CTNNA2: variants seen among roughly 807,000 people sequenced by gnomAD.
The protein encoded by CTNNA2 is catenin alpha-2.
A neutral mutation model predicts 101.0 loss-of-function variants in CTNNA2; 42 were observed. That is an observed-to-expected ratio of 0.42 (90% CI 0.32 to 0.54). CTNNA2 has a LOEUF of 0.54. CTNNA2 is among the 20% of genes least tolerant of loss of function. CTNNA2 has a pLI of 0.14. For missense variants in CTNNA2, 871 were observed against 1,223.1 expected, an observed-to-expected ratio of 0.71 and a Z score of 4.29; for synonymous variants, 450 against 456.4, an observed-to-expected ratio of 0.99 and a Z score of 0.18.
intron 7 of CTNNA2, among the ~76,000 whole-genome samples, chr2:80,390,665 A>G (rs1677426739): frequency 6.6e-6 from 1 of 152,210 alleles, no homozygotes; most frequent in Admixed American, 6.5e-5. Context: ...AAGAATAAAT[A>G]TATCCGCACT....
intron 2 of CTNNA2, among the ~76,000 whole-genome samples, chr2:79,216,371 C>T (rs1674259582): frequency 6.6e-6 from 1 of 151,502 alleles, no homozygotes; most frequent in Non-Finnish European, 1.5e-5. Flanking sequence ...GGGGTTCTTA[C>T]CCTCCAGAAA....
chr2:79,717,308 A>G (rs1482591438), intron 2 of CTNNA2, among the ~76,000 whole-genome samples: 1 of 152,224 alleles, frequency 6.6e-6, no homozygotes, highest in African/African-American at 2.4e-5. Flanking sequence ...TTCATGCAGA[A>G]GTTTCCTTCC....
chr2:80,530,265 T>C (rs1200873682), intron 9 of CTNNA2, among the ~76,000 whole-genome samples: 1 of 152,140 alleles, frequency 6.6e-6, no homozygotes, highest in East Asian at 1.9e-4. Flanking sequence ...CCCTGCTTTC[T>C]GAGCATCATG....
intron 7 of CTNNA2, among the ~76,000 whole-genome samples, chr2:80,179,092 G>T (rs1047655066): frequency 6.6e-6 from 1 of 152,214 alleles, no homozygotes; most frequent in Non-Finnish European, 1.5e-5. Context: ...TATATTGCTG[G>T]TCTTGACAGC....
rs181542539 is a variant in CTNNA2 at position 79,851,561 on chromosome 2, A to G, written c.299-6452A>G. On this transcript the variant is annotated intron_variant, in intron 3 of 18. Transcript: ENST00000402739. The stretch of plus-strand genomic sequence containing the variant: ...TGTTTTAGTTTCTGCATTGCTCTAC[A>G]AGATCCGTTTTTCAGAATCCTTTAA... Among the ~76,000 whole-genome samples, 185 of 152,210 alleles carry G rather than the reference A, an allele frequency of 1.2e-3. 1 individual carries two copies. Among genetic ancestry groups the G allele is most frequent in the African/African-American group, 4.2e-3 (173 of 41,524 alleles).
chr2:79,748,545 T>C (rs1671791702), intron 3 of CTNNA2, among the ~76,000 whole-genome samples: 1 of 152,170 alleles, frequency 6.6e-6, no homozygotes, highest in Non-Finnish European at 1.5e-5. Context: ...GTTTTCAGCA[T>C]AAGTAAATGC....
intron 2 of CTNNA2, chr2:79,281,494 C>T (rs746287553): frequency 2.0e-5 from 3 of 152,158 alleles, no homozygotes; most frequent in Non-Finnish European, 4.4e-5. Flanking sequence ...CCCCAACTGA[C>T]GTGGAAATCA....
intron 7 of CTNNA2, among the ~76,000 whole-genome samples, chr2:80,368,847 A>ATGTGTGTGTG (rs538992921): frequency 2.2e-5 from 3 of 134,602 alleles, no homozygotes; most frequent in African/African-American, 3.1e-5. Context: ...GTGTGTATAT[A>ATGTGTGTGTG]TGTGTGTGTG....
At chr2:79,875,395 A>G (rs888015721) in intron 6 of CTNNA2, among the ~76,000 whole-genome samples, 7 of 152,236 alleles carry the variant, frequency 4.6e-5, no homozygotes, top group Non-Finnish European at 1.0e-4. Context: ...TGAGGGAAGT[A>G]GAATGCACTA....
At chr2:79,798,218 C>G (rs1675872233) in intron 3 of CTNNA2, among the ~76,000 whole-genome samples, 1 of 152,164 alleles carries the variant, frequency 6.6e-6, no homozygotes. Context: ...CTTATGTCTC[C>G]ACATCAGGGA....
At chr2:80,244,361 C>A (rs1671168533) in intron 7 of CTNNA2, among the ~76,000 whole-genome samples, 1 of 152,208 alleles carries the variant, frequency 6.6e-6, no homozygotes, top group Non-Finnish European at 1.5e-5. Flanking sequence ...TGACCATAGT[C>A]ATTTAGCCCA....
intron 2 of CTNNA2, among the ~76,000 whole-genome samples, chr2:79,205,522 A>T (rs1186906696): frequency 1.3e-5 from 2 of 152,232 alleles, no homozygotes; most frequent in East Asian, 1.9e-4. Flanking sequence ...AAGACTGTTA[A>T]GGAACAGAGG....
intron 2 of CTNNA2, among the ~76,000 whole-genome samples, chr2:79,287,724 A>G (rs1675650988): frequency 6.6e-6 from 1 of 152,144 alleles, no homozygotes; most frequent in Non-Finnish European, 1.5e-5. Context: ...CTGCCCCCAG[A>G]GGTGGAGCCT....
At chr2:79,361,667 A>T (rs1489114830) in intron 3 of CTNNA2, among the ~76,000 whole-genome samples, 1 of 152,050 alleles carries the variant, frequency 6.6e-6, no homozygotes, top group Non-Finnish European at 1.5e-5. Flanking sequence ...TTAAGCATTA[A>T]CTCACACAAT....
At chr2:80,541,599 C>T (rs1439482942) in intron 9 of CTNNA2, among the ~76,000 whole-genome samples, 1 of 152,096 alleles carries the variant, frequency 6.6e-6, no homozygotes, top group Non-Finnish European at 1.5e-5. Flanking sequence ...TGTTAGAGTC[C>T]AGCTCTTCTG....
chr2:80,369,227 A>G (rs1675228564), intron 7 of CTNNA2, among the ~76,000 whole-genome samples: 1 of 152,048 alleles, frequency 6.6e-6, no homozygotes, highest in Admixed American at 6.6e-5. Flanking sequence ...TAAACGTTTT[A>G]GGTTATTTTG....
At position 80,303,250 on chromosome 2, in the gene CTNNA2, G is replaced by T; in HGVS notation, c.1057-89961G>T. 2 of 1,613,696 alleles carry T rather than the reference G, an allele frequency of 1.2e-6. No homozygotes were observed. The highest frequency in any genetic ancestry group is 2.2e-5 in the South Asian group (2 of 91,076). ...TCTTGAGCTGATTGTATCCGATGTC[G>T]AGAAACTTGAGGCTGCGGCAGTCCT... On this transcript the variant is annotated intron_variant, in intron 7 of 18. Coordinates refer to ENST00000402739, the MANE Select transcript of CTNNA2 (RefSeq NM_001282597.3). This position sits in a 1 kb window ranked among gnomAD's most constrained non-coding sequence, Gnocchi z 7.7.
chr2:79,900,319 A>G (rs1684990908), intron 6 of CTNNA2, among the ~76,000 whole-genome samples: 1 of 152,158 alleles, frequency 6.6e-6, no homozygotes, highest in South Asian at 2.1e-4. Context: ...AGGATTCCAT[A>G]GTGAAGAGTT....
chr2:80,039,478 C>A (rs1022665240), intron 7 of CTNNA2, among the ~76,000 whole-genome samples: 1 of 152,118 alleles, frequency 6.6e-6, no homozygotes, highest in Non-Finnish European at 1.5e-5. Flanking sequence ...AAGTGAAATT[C>A]CAGTAATGCC....
Sources: gnomAD v4.1 joint callset for allele counts (sites outside exome capture counted in the v4.1 genomes callset) on GRCh38, gnomAD v4.1.1 for gene constraint, Gnocchi (gnomAD v3.1) non-coding constraint, MANE v1.5 for transcripts, NCBI Gene and HGNC (gene_info 2026-07-23, HGNC 2026-07-21) for gene names.